The following UGGT1 variants were observed in gnomAD, a reference collection of about 807,000 sequenced individuals.
The protein encoded by UGGT1 is UDP-glucose:glycoprotein glucosyltransferase 1.
A neutral mutation model predicts 203.9 loss-of-function variants in UGGT1; 107 were observed. That is an observed-to-expected ratio of 0.52 (90% CI 0.45 to 0.62). UGGT1 has a LOEUF of 0.62. UGGT1 is among the 20% of genes least tolerant of loss of function. The pLI, the probability that UGGT1 is intolerant of heterozygous loss-of-function variation, is 0.00. For missense variants in UGGT1, 1,673 were observed against 1,867.2 expected (o/e 0.90, Z 1.92); for synonymous variants, 628 against 653.5 (o/e 0.96, Z 0.59).
intron 17 of UGGT1, among the ~76,000 whole-genome samples, chr2:128,144,106 A>G (rs1689566427): frequency 6.6e-6 from 1 of 152,242 alleles, no homozygotes; most frequent in Non-Finnish European, 1.5e-5. Flanking sequence ...AGCCAGTAAG[A>G]TAATGATATT....
intron 11 of UGGT1, among the ~76,000 whole-genome samples, chr2:128,123,664 C>A (rs1369360910): frequency 2.2e-4 from 33 of 152,154 alleles, no homozygotes; most frequent in Non-Finnish European, 5.9e-5. Flanking sequence ...CACCACTATT[C>A]TATATTGGCA....
intron 5 of UGGT1, among the ~76,000 whole-genome samples, chr2:128,110,044 C>A (rs1453482163): frequency 6.6e-6 from 1 of 152,132 alleles, no homozygotes; most frequent in Admixed American, 6.6e-5. Flanking sequence ...TAGATTTTGT[C>A]ATTGGCTTAG....
At chr2:128,143,891 T>C (rs558748228) in intron 17 of UGGT1, among the ~76,000 whole-genome samples, 3 of 152,270 alleles carry the variant, frequency 2.0e-5, no homozygotes, top group Admixed American at 6.5e-5. Context: ...ATGGATTCTT[T>C]TGAAATGGTT....
intron 35 of UGGT1, among the ~76,000 whole-genome samples, chr2:128,180,550 C>T (rs1691640252): frequency 6.6e-6 from 1 of 152,220 alleles, no homozygotes; most frequent in South Asian, 2.1e-4. Context: ...GGCTTGTCAT[C>T]AAGCTCAGTA....
intron 24 of UGGT1, 90 bp downstream of exon 24, chr2:128,160,681 GC>G: frequency 6.7e-7 from 1 of 1,487,768 alleles, no homozygotes; most frequent in Non-Finnish European, 8.9e-7. Flanking sequence ...TTCAGACAGA[GC>G]CACTCTTTTT....
chr2:128,109,905 G>T (rs1573507407), intron 5 of UGGT1, among the ~76,000 whole-genome samples, 159 bp downstream of exon 5: 1 of 152,150 alleles, frequency 6.6e-6, no homozygotes, highest in Non-Finnish European at 1.5e-5. Flanking sequence ...TCTCAGCTCC[G>T]TCACTTAAAA....
At chr2:128,133,119 C>T in intron 13 of UGGT1, 22 bp from the exon 14 acceptor site, 2 of 1,612,840 alleles carry the variant, frequency 1.2e-6, no homozygotes, top group Non-Finnish European at 1.7e-6. Flanking sequence ...GTGCATGTAT[C>T]CTGTTGTGTT....
intron 10 of UGGT1, 40 bp downstream of exon 10, chr2:128,121,338 A>G (rs1412765522): frequency 7.1e-7 from 1 of 1,418,388 alleles, no homozygotes. Context: ...CATCATACCC[A>G]GTCATCGTCA....
intron 13 of UGGT1, among the ~76,000 whole-genome samples, chr2:128,130,628 A>G (rs900645144): frequency 6.6e-6 from 1 of 152,176 alleles, no homozygotes; most frequent in Admixed American, 6.5e-5. Context: ...TTTGTGTCAG[A>G]TTTAACTGTT....
rs1182492819 is a variant in UGGT1 at position 128,164,716 on chromosome 2, A to G, written c.2826-14A>G. 1 of 1,611,116 alleles carries G rather than the reference A, an allele frequency of 6.2e-7. No homozygotes were observed. The highest frequency in any genetic ancestry group is 1.1e-5 in the South Asian group (1 of 91,002). On this transcript the variant is annotated splice_polypyrimidine_tract_variant and intron_variant, in intron 25 of 40. Transcript: ENST00000259253. ...TTAAAAAGATGTTAAGATTTCTCTA[A>G]CCCCTTCTTTCAGGGCAAGCGACTT...
intron 4 of UGGT1, among the ~76,000 whole-genome samples, chr2:128,108,685 A>G (rs1413051015): frequency 6.6e-6 from 1 of 151,996 alleles, no homozygotes; most frequent in Admixed American, 6.6e-5. Context: ...CAAAAAATAT[A>G]TAGTAATGGA....
At chr2:128,155,694 A>G in intron 20 of UGGT1, 107 bp downstream of exon 20, 1 of 775,798 alleles carries the variant, frequency 1.3e-6, no homozygotes, top group Non-Finnish European at 2.0e-6. Context: ...AGACTTCATA[A>G]TTTTTCTTAT....
chr2:128,147,815 T>C (rs1208989826), intron 18 of UGGT1, among the ~76,000 whole-genome samples: 1 of 152,148 alleles, frequency 6.6e-6, no homozygotes, highest in African/African-American at 2.4e-5. Context: ...TCTTTCTATG[T>C]TGCCCAGGCA....
In UGGT1 at chr2:128,192,251, C is replaced by T. The variant is rs1457972183; in HGVS notation, c.*2509C>T. On this transcript the variant is annotated 3_prime_UTR_variant, in exon 41 of 41. Transcript: ENST00000259253. ...CTTGCTTCCAGAATGGCCTAGGACCCTCCTCCTCCTGCCAGTTTTTTTTTT... is the reference window on the plus strand; with the variant it reads ...CTTGCTTCCAGAATGGCCTAGGACCTTCCTCCTCCTGCCAGTTTTTTTTTT... 1 of 150,170 alleles carries T rather than the reference C, an allele frequency of 6.7e-6. No homozygotes were observed. The highest frequency in any genetic ancestry group is 1.5e-5 in the Non-Finnish European group (1 of 67,772). The allele number at this position is 150,170 out of a possible 1,614,324, so 9.3% of individuals were successfully genotyped here. A position where few individuals can be genotyped will look rare whatever the true frequency, so the allele number is the denominator to read the frequency against.
intron 34 of UGGT1, 104 bp from the exon 35 acceptor site, chr2:128,179,682 C>A: frequency 4.3e-6 from 4 of 929,984 alleles, no homozygotes; most frequent in South Asian, 1.7e-5. Context: ...CATTAGTTAG[C>A]TCTGCCGTAA....
intron 11 of UGGT1, 63 bp from the exon 12 acceptor site, chr2:128,127,298 A>G (rs1688650002): frequency 3.3e-6 from 4 of 1,206,358 alleles, no homozygotes; most frequent in Non-Finnish European, 3.6e-6. Flanking sequence ...GAAGCCCAGA[A>G]ACAATAAAAT....
At chr2:128,144,111 G>C (rs1689566779) in intron 17 of UGGT1, among the ~76,000 whole-genome samples, 1 of 152,140 alleles carries the variant, frequency 6.6e-6, no homozygotes, top group Non-Finnish European at 1.5e-5. Context: ...GTAAGATAAT[G>C]ATATTAGGAA....
At position 128,195,415 on chromosome 2, in the gene UGGT1, A is replaced by G. The variant is rs1195299668; in HGVS notation, c.*5673A>G. Reference sequence around the variant, plus strand: ...CCAACCAGTTATTCGTGGTAATAATAAAATAAAGGTGGGAAAATGTTATAA... The same window carrying G: ...CCAACCAGTTATTCGTGGTAATAATGAAATAAAGGTGGGAAAATGTTATAA... On this transcript the variant is annotated 3_prime_UTR_variant, in exon 41 of 41. Coordinates refer to ENST00000259253, the MANE Select transcript of UGGT1 (RefSeq NM_020120.4). 1.3e-5 allele frequency: 2 copies of G among 152,230 alleles called. No individual in the cohort carries two copies. The highest frequency in any genetic ancestry group is 2.9e-5 in the Non-Finnish European group (2 of 68,036). The allele number at this position is 152,230 out of a possible 1,614,324, so 9.4% of individuals were successfully genotyped here.
At chr2:128,099,716 T>C (rs193107417) in intron 2 of UGGT1, among the ~76,000 whole-genome samples, 2 of 152,264 alleles carry the variant, frequency 1.3e-5, no homozygotes, top group East Asian at 3.9e-4. Flanking sequence ...GACAAAACCA[T>C]TGTATGTATT....
Sources: allele counts gnomAD v4.1 joint callset (sites outside exome capture counted in the v4.1 genomes callset), GRCh38; gene constraint gnomAD v4.1.1; transcripts MANE v1.5; gene names NCBI Gene and HGNC (gene_info 2026-07-23, HGNC 2026-07-21).